Variants in DACH2 observed in about 807,000 individuals in gnomAD.
The protein encoded by DACH2 is dachshund homolog 2.
In DACH2, 17 loss-of-function variants were observed where a neutral mutation model predicts 35.8. The observed-to-expected ratio is 0.48, with a 90% CI of 0.33 to 0.71. The LOEUF is 0.71. Among genes scored for constraint, DACH2 ranks in the 30% least tolerant of loss-of-function variants. The pLI, the probability that DACH2 is intolerant of heterozygous loss-of-function variation, is 0.02. For synonymous variants in DACH2, 195 were observed against 177.3 expected (o/e 1.10, Z -0.79); for missense variants, 469 against 472.7 (o/e 0.99, Z 0.07).
chrX:86,440,018 G>A (rs1031612600), intron 2 of DACH2, among the ~76,000 whole-genome samples: 1 of 111,111 alleles, frequency 9.0e-6, no homozygotes, highest in African/African-American at 3.3e-5. Context: ...AATTGTTCAG[G>A]GTTTTTTCTA....
At chrX:86,662,992 CA>C (rs1396779418) in intron 4 of DACH2, among the ~76,000 whole-genome samples, 4 of 111,001 alleles carry the variant, frequency 3.6e-5, no homozygotes, top group African/African-American at 1.3e-4. Flanking sequence ...AAACATTTAT[CA>C]AAAATTGTAC....
At chrX:86,695,976 T>C (rs1308894483) in intron 5 of DACH2, among the ~76,000 whole-genome samples, 2 of 111,857 alleles carry the variant, frequency 1.8e-5, no homozygotes, top group Non-Finnish European at 3.8e-5. Flanking sequence ...GAATTGCATA[T>C]AGTAAGTACT....
At chrX:86,303,956 G>T (rs1418116854) in intron 1 of DACH2, among the ~76,000 whole-genome samples, 1 of 111,131 alleles carries the variant, frequency 9.0e-6, no homozygotes, top group Non-Finnish European at 1.9e-5. Flanking sequence ...AAAGCTGGAG[G>T]TATCACACTA....
chrX:86,661,765 T>G (rs906232732), intron 4 of DACH2, among the ~76,000 whole-genome samples: 6 of 111,975 alleles, frequency 5.4e-5, no homozygotes, highest in Non-Finnish European at 3.8e-5. Flanking sequence ...TGTCAAACAT[T>G]TTACATTTCC....
At chrX:86,319,926 AT>A (rs2148035084) in intron 1 of DACH2, among the ~76,000 whole-genome samples, 1 of 112,012 alleles carries the variant, frequency 8.9e-6, no homozygotes, top group South Asian at 3.7e-4. Flanking sequence ...CAATTGGATT[AT>A]TGGCCTGCTG....
At chrX:86,152,944 C>G (rs760764017) in intron 1 of DACH2, among the ~76,000 whole-genome samples, 1 of 111,467 alleles carries the variant, frequency 9.0e-6, no homozygotes. Flanking sequence ...ATTTTTCTTA[C>G]TAAATTCTCC....
chrX:86,297,071 A>ATATATATATATATAT (rs2034480445), intron 1 of DACH2, among the ~76,000 whole-genome samples: 2 of 104,079 alleles, frequency 1.9e-5, no homozygotes, highest in Admixed American at 1.0e-4. Flanking sequence ...ATATATATAT[A>ATATATATATATATAT]ATTAGAGCAC....
intron 1 of DACH2, among the ~76,000 whole-genome samples, chrX:86,197,191 C>A (rs1483775240): frequency 1.8e-5 from 2 of 111,507 alleles, no homozygotes; most frequent in Non-Finnish European, 3.8e-5. Flanking sequence ...AAATAAGATC[C>A]TTTTCAGACA....
At chrX:86,469,946 C>T (rs751853809) in intron 2 of DACH2, among the ~76,000 whole-genome samples, 3 of 109,344 alleles carry the variant, frequency 2.7e-5, no homozygotes, top group African/African-American at 1.0e-4. Context: ...TAAATATTTG[C>T]CATATCCAAC....
chrX:86,303,486 A>T (rs2034615757), intron 1 of DACH2, among the ~76,000 whole-genome samples: 1 of 110,517 alleles, frequency 9.0e-6, no homozygotes, highest in Admixed American at 9.8e-5. Flanking sequence ...ATTTAAACAA[A>T]TGGTGCATTT....
intron 3 of DACH2, among the ~76,000 whole-genome samples, chrX:86,565,375 G>T (rs1030975399): frequency 1.8e-5 from 2 of 111,199 alleles, no homozygotes; most frequent in African/African-American, 6.5e-5. Flanking sequence ...CTCAAAGTGT[G>T]GTCCCCGGAC....
intron 4 of DACH2, among the ~76,000 whole-genome samples, chrX:86,673,267 G>T (rs1445079129): frequency 9.5e-6 from 1 of 104,742 alleles, no homozygotes; most frequent in Non-Finnish European, 2.0e-5. Context: ...AACCTGGGAG[G>T]CGGAGCTTGC....
chrX:86,605,625 TA>T (rs1016150344), intron 3 of DACH2, among the ~76,000 whole-genome samples: 13 of 111,500 alleles, frequency 1.2e-4, no homozygotes, highest in Non-Finnish European at 2.3e-4. Context: ...CATTTTCTTT[TA>T]AAAAATTTTT....
chrX:86,160,950 AT>A, intron 1 of DACH2: 1 of 775,330 alleles, frequency 1.3e-6, no homozygotes, highest in Non-Finnish European at 2.0e-6. Context: ...TGGTGGTAGG[AT>A]GTAGTCCAGA....
chrX:86,394,216 G>A (rs890734321), intron 2 of DACH2, among the ~76,000 whole-genome samples: 1 of 109,649 alleles, frequency 9.1e-6, no homozygotes, highest in Admixed American at 9.9e-5. Context: ...TTCTATTAGG[G>A]TAAGACTCTG....
At chrX:86,194,122 C>A (rs2031910651) in intron 1 of DACH2, among the ~76,000 whole-genome samples, 1 of 110,432 alleles carries the variant, frequency 9.1e-6, no homozygotes. Flanking sequence ...AAGAAAGAAA[C>A]CAGGCTAGCC....
At chrX:86,307,144 C>A (rs1365249112) in intron 1 of DACH2, among the ~76,000 whole-genome samples, 1 of 111,560 alleles carries the variant, frequency 9.0e-6, no homozygotes, top group Non-Finnish European at 1.9e-5. Context: ...GGTTGTTGCT[C>A]CGAAGTTCAG....
chrX:86,561,917 A>AG (rs1316434230), intron 3 of DACH2, among the ~76,000 whole-genome samples: 17 of 101,546 alleles, frequency 1.7e-4, no homozygotes, highest in African/African-American at 5.8e-4. Flanking sequence ...AAAAAAAAAA[A>AG]AAAGAGAATT....
intron 4 of DACH2, among the ~76,000 whole-genome samples, chrX:86,667,721 A>G (rs1340967609): frequency 3.6e-5 from 4 of 111,922 alleles, no homozygotes; most frequent in African/African-American, 1.3e-4. Flanking sequence ...TTAAAATTCA[A>G]ATGAGGAGAC....
Sources: gnomAD v4.1 joint callset for allele counts (sites outside exome capture counted in the v4.1 genomes callset) on GRCh38, gnomAD v4.1.1 for gene constraint, MANE v1.5 for transcripts, NCBI Gene and HGNC (gene_info 2026-07-23, HGNC 2026-07-21) for gene names.